The following TOP3A variants were observed in gnomAD, a reference collection of about 807,000 sequenced individuals.
TOP3A encodes the protein DNA topoisomerase III alpha, also known as DNA topoisomerase 3-alpha.
Under a neutral mutation model 111.3 loss-of-function variants are expected in TOP3A, and 64 were observed. The observed-to-expected ratio is 0.57, with a 90% CI of 0.47 to 0.71. The LOEUF is 0.71. Among genes scored for constraint, TOP3A ranks in the 30% least tolerant of loss-of-function variants. The pLI, the probability that TOP3A is intolerant of heterozygous loss-of-function variation, is 0.00. For synonymous variants in TOP3A, 484 were observed against 485.1 expected (o/e 1.00, Z 0.03); for missense variants, 1,104 against 1,285.0 (o/e 0.86, Z 2.15).
chr17:18,313,751 C>T (rs1030359811), intron 1 of TOP3A, among the ~76,000 whole-genome samples: 1 of 152,146 alleles, frequency 6.6e-6, no homozygotes, highest in Admixed American at 6.5e-5. Context: ...TGTCAGCCAG[C>T]ATTCACACAA....
chr17:18,273,356 G>A lies in TOP3A; in HGVS notation c.*1446C>T, dbSNP rs1979116835. 6.6e-6 allele frequency: 1 copy of A among 152,262 alleles called. No individual in the cohort carries two copies. The highest frequency in any genetic ancestry group is 2.1e-4 in the South Asian group (1 of 4,832). 9.4% of individuals were successfully genotyped at this position (152,262 alleles called of 1,614,324 possible). On this transcript the variant is annotated 3_prime_UTR_variant, in exon 19 of 19. Coordinates refer to ENST00000321105, the MANE Select transcript of TOP3A (RefSeq NM_004618.5). ...CCACCACTGGAAAAAGTGGAAGATG[G>A]AAAGTTAGTGATCTGAATCTGAACC...
rs778544832 is a variant in TOP3A, at chr17:18,278,209, G to A, written c.2293C>T (p.Arg765Cys). Residue 765 changes from arginine (R) to cysteine (C), a missense_variant, in exon 18 of 19, where the codon CGC (arginine) becomes TGC (cysteine). Coordinates refer to ENST00000321105, the MANE Select transcript of TOP3A (RefSeq NM_004618.5). ...GPPRASQPSGRLQANQSLNRM... is the reference protein window; with the variant it reads ...GPPRASQPSGCLQANQSLNRM... ...TTCAGGGACTGGTTAGCCTGCAGGC[G>A]GCCAGAGGGCTGGCTAGCCCTGGGG... is the stretch of plus-strand genomic sequence containing the variant. 2.4e-5 allele frequency: 38 copies of A among 1,603,154 alleles called. No homozygotes were observed. The Middle Eastern group carries it at 2.2e-3, about 91-fold the overall frequency.
At chr17:18,287,003 C>T (rs984599899) in intron 13 of TOP3A, among the ~76,000 whole-genome samples, 1 of 152,110 alleles carries the variant, frequency 6.6e-6, no homozygotes, top group Non-Finnish European at 1.5e-5. Context: ...AAGCTGGTCT[C>T]GAACTCCTGA....
At chr17:18,292,077 T>C (rs1597969355) in intron 11 of TOP3A, among the ~76,000 whole-genome samples, 1 of 152,194 alleles carries the variant, frequency 6.6e-6, no homozygotes, top group African/African-American at 2.4e-5. Context: ...AAGACTAAGA[T>C]TTCCCCAGCT....
Position 18,314,602 on chromosome 17 carries a change from C to T in TOP3A, c.177G>A (p.Arg59=). 1 of 1,610,178 alleles carries T rather than the reference C, an allele frequency of 6.2e-7. No individual in the cohort carries two copies. The highest frequency in any genetic ancestry group is 8.5e-7 in the Non-Finnish European group (1 of 1,177,714). The part of the protein sequence containing the change: ...IADLLSNGRM[R]RREGLSKFNK... ...TGATCGGAACGCGCTTTCTTACCCGCCTCATGCGACCGTTTGACAGCAGGT... is the reference window on the plus strand; with the variant it reads ...TGATCGGAACGCGCTTTCTTACCCGTCTCATGCGACCGTTTGACAGCAGGT... Residue 59 remains arginine (R), a synonymous_variant, in exon 1 of 19, where the codon AGG becomes AGA. Transcript: ENST00000321105.
chr17:18,307,014 G>T, intron 3 of TOP3A, 48 bp from the exon 4 acceptor site: 1 of 1,386,352 alleles, frequency 7.2e-7, no homozygotes, highest in Non-Finnish European at 1.0e-6. Flanking sequence ...ATGACAGAGA[G>T]CCCTCCAATC....
chr17:18,298,353 G>C (rs947298064), intron 9 of TOP3A, among the ~76,000 whole-genome samples: 184 of 120,002 alleles, frequency 1.5e-3, no homozygotes, highest in Admixed American at 5.1e-3. Flanking sequence ...CCCCCCGCCC[G>C]GCCAGCCGCC....
intron 5 of TOP3A, among the ~76,000 whole-genome samples, chr17:18,304,450 C>T (rs1981432327): frequency 6.6e-6 from 1 of 152,168 alleles, no homozygotes; most frequent in African/African-American, 2.4e-5. Context: ...GAACACAAAA[C>T]CACTAAAGGA....
chr17:18,297,693 G>A (rs1379332417), intron 9 of TOP3A, among the ~76,000 whole-genome samples: 5 of 152,026 alleles, frequency 3.3e-5, no homozygotes, highest in Non-Finnish European at 5.9e-5. Flanking sequence ...CTGAGGTGCC[G>A]GGATTGCAGA....
intron 5 of TOP3A, among the ~76,000 whole-genome samples, chr17:18,304,075 C>T (rs1981407115): frequency 6.6e-6 from 1 of 152,126 alleles, no homozygotes; most frequent in Non-Finnish European, 1.5e-5. Context: ...AGCAATTCTC[C>T]TGCCTTGGTC....
At position 18,293,039 on chromosome 17, in the gene TOP3A, C is replaced by G. The variant is rs57925967; in HGVS notation, c.1074-187G>C. 2.4e-3 allele frequency among the ~76,000 whole-genome samples: 363 copies of G among 152,334 alleles called. 1 individual carries two copies. Among genetic ancestry groups the G allele is most frequent in the African/African-American group, 8.4e-3 (351 of 41,582 alleles). ...ATGCACCCCCTCATGGGATGAAAAG[C>G]AGCTGGCTCTCCTGCTAGCACACTC... On this transcript the variant is annotated intron_variant, in intron 10 of 18. Transcript: ENST00000321105.
intron 5 of TOP3A, among the ~76,000 whole-genome samples, chr17:18,304,765 A>G (rs917775316): frequency 6.6e-6 from 1 of 152,164 alleles, no homozygotes; most frequent in African/African-American, 2.4e-5. Context: ...ACAACAACAA[A>G]AAGAATATAA....
chr17:18,299,528 G>A (rs765077848), intron 9 of TOP3A, 31 bp downstream of exon 9: 20 of 1,603,440 alleles, frequency 1.2e-5, no homozygotes, highest in South Asian at 3.3e-5. Context: ...AGTGTTCCCC[G>A]AGTGCCTGAA....
intron 3 of TOP3A, chr17:18,307,467 A>T: frequency 6.5e-6 from 1 of 153,280 alleles, no homozygotes; most frequent in South Asian, 2.0e-4. Context: ...GCGTGGTGGC[A>T]GGCACCTGTA....
chr17:18,277,185 CAAA>C (rs34363304), intron 18 of TOP3A, among the ~76,000 whole-genome samples: 7 of 96,464 alleles, frequency 7.3e-5, no homozygotes, highest in East Asian at 3.1e-4. Context: ...ACTCAGTCTC[CAAA>C]AAAAAAAAAA....
chr17:18,311,001 AT>A (rs772922996), intron 1 of TOP3A, among the ~76,000 whole-genome samples: 432 of 142,006 alleles, frequency 3.0e-3, no homozygotes, highest in Admixed American at 3.7e-3. Context: ...ACAACTATGA[AT>A]TTTTTTTTTT....
At chr17:18,281,287 C>T (rs923142617) in intron 16 of TOP3A, among the ~76,000 whole-genome samples, 15 of 152,070 alleles carry the variant, frequency 9.9e-5, no homozygotes, top group African/African-American at 3.4e-4. Context: ...CCCCGAACTC[C>T]AATCATTTAA....
chr17:18,276,443 G>A (rs1421623363), intron 18 of TOP3A, among the ~76,000 whole-genome samples: 1 of 152,182 alleles, frequency 6.6e-6, no homozygotes, highest in African/African-American at 2.4e-5. Context: ...CATTAGCACT[G>A]GTAGCCAGTT....
intron 1 of TOP3A, chr17:18,312,704 TC>T: frequency 5.8e-6 from 1 of 171,710 alleles, no homozygotes; most frequent in South Asian, 1.3e-4. Flanking sequence ...AAATTCTCTT[TC>T]CAAGAAAAGT....
Sources: allele counts gnomAD v4.1 joint callset (sites outside exome capture counted in the v4.1 genomes callset), GRCh38; gene constraint gnomAD v4.1.1; transcripts MANE v1.5; gene names NCBI Gene and HGNC (gene_info 2026-07-23, HGNC 2026-07-21).